The following RALGPS2 variants were observed in gnomAD, a reference collection of about 807,000 sequenced individuals.
The protein encoded by RALGPS2 is ras-specific guanine nucleotide-releasing factor RalGPS2.
A neutral mutation model predicts 86.8 loss-of-function variants in RALGPS2; 43 were observed. The ratio of observed to expected loss-of-function variants is 0.50; its 90% CI spans 0.39 to 0.64. The LOEUF is 0.64. Among genes scored for constraint, RALGPS2 ranks in the 30% least tolerant of loss-of-function variants. The pLI, the probability that RALGPS2 is intolerant of heterozygous loss-of-function variation, is 0.00. For synonymous variants in RALGPS2, 243 were observed against 231.3 expected (o/e 1.05, Z -0.46); for missense variants, 536 against 694.6 (o/e 0.77, Z 2.57).
intron 4 of RALGPS2, among the ~76,000 whole-genome samples, chr1:178,801,380 ATAATAC>A (rs1367787375): frequency 6.6e-6 from 1 of 152,134 alleles, no homozygotes; most frequent in Non-Finnish European, 1.5e-5. Flanking sequence ...AATAATAATA[ATAATAC>A]TAACACTAAT....
chr1:178,842,898 A>G (rs1656660793), intron 8 of RALGPS2, among the ~76,000 whole-genome samples: 1 of 147,950 alleles, frequency 6.8e-6, no homozygotes, highest in African/African-American at 2.5e-5. Context: ...AAACACATGA[A>G]AAAATGCTCA....
intron 1 of RALGPS2, chr1:178,726,016 C>T (rs1572255751): frequency 6.6e-6 from 1 of 152,288 alleles, no homozygotes; most frequent in East Asian, 1.9e-4. Flanking sequence ...GGGCTGCGTC[C>T]TGTGCTGGCC....
intron 10 of RALGPS2, among the ~76,000 whole-genome samples, chr1:178,882,202 C>A (rs1322611561): frequency 7.9e-6 from 1 of 126,320 alleles, no homozygotes; most frequent in Non-Finnish European, 1.7e-5. Context: ...CAATGTGATT[C>A]ACCCAATAAG....
intron 4 of RALGPS2, among the ~76,000 whole-genome samples, chr1:178,802,905 T>C (rs764356096): frequency 1.1e-4 from 16 of 152,188 alleles, no homozygotes; most frequent in African/African-American, 3.9e-4. Flanking sequence ...CTCCAAGCCA[T>C]GTGGTTTGTC....
At chr1:178,776,430 C>G (rs569453790) in intron 1 of RALGPS2, among the ~76,000 whole-genome samples, 3 of 152,132 alleles carry the variant, frequency 2.0e-5, no homozygotes, top group African/African-American at 7.2e-5. Context: ...ACCCACTTAG[C>G]GAAAAGTTAT....
At chr1:178,789,377 A>T (rs1019777427) in intron 4 of RALGPS2, among the ~76,000 whole-genome samples, 1 of 152,254 alleles carries the variant, frequency 6.6e-6, no homozygotes, top group Non-Finnish European at 1.5e-5. Flanking sequence ...TATGTGAAAC[A>T]AGAGTAGAGG....
intron 13 of RALGPS2, among the ~76,000 whole-genome samples, chr1:178,889,346 C>G (rs533328733): frequency 1.4e-4 from 21 of 152,022 alleles, no homozygotes; most frequent in African/African-American, 4.8e-4. Context: ...ATTTTATGTT[C>G]TCTAATGGTA....
intron 19 of RALGPS2, among the ~76,000 whole-genome samples, chr1:178,908,159 C>G (rs141002981): frequency 1.4e-3 from 208 of 152,310 alleles, no homozygotes; most frequent in Non-Finnish European, 2.6e-3. Flanking sequence ...CAATGTTTAC[C>G]TCCCACTTAC....
intron 10 of RALGPS2, 23 bp from the exon 11 acceptor site, chr1:178,883,443 T>C (rs749519056): frequency 6.5e-7 from 1 of 1,531,264 alleles, no homozygotes; most frequent in East Asian, 2.2e-5. Flanking sequence ...TCATTGTATG[T>C]ATTTTGTCTT....
At chr1:178,788,002 A>G (rs1008634667) in intron 4 of RALGPS2, among the ~76,000 whole-genome samples, 8 of 152,202 alleles carry the variant, frequency 5.3e-5, no homozygotes, top group East Asian at 1.9e-4. Flanking sequence ...AATATGGTCT[A>G]CAGATCTCTT....
intron 1 of RALGPS2, among the ~76,000 whole-genome samples, chr1:178,771,336 T>C (rs562861628): frequency 2.8e-4 from 43 of 152,348 alleles, no homozygotes; most frequent in African/African-American, 8.9e-4. Context: ...TCTCATAACA[T>C]TGGCATTTTT....
intron 15 of RALGPS2, among the ~76,000 whole-genome samples, chr1:178,892,786 TGTTTGTCTG>T (rs1659772486): frequency 6.6e-6 from 1 of 152,176 alleles, no homozygotes; most frequent in Non-Finnish European, 1.5e-5. Context: ...TTCATTCAGT[TGTTTGTCTG>T]GTTAAACCAG....
At chr1:178,851,940 A>G (rs1454086206) in intron 8 of RALGPS2, among the ~76,000 whole-genome samples, 1 of 152,170 alleles carries the variant, frequency 6.6e-6, no homozygotes, top group South Asian at 2.1e-4. Context: ...CCTGGGTTAA[A>G]AAGTCAAAAG....
At chr1:178,748,421 A>G (rs1651462536) in intron 1 of RALGPS2, among the ~76,000 whole-genome samples, 1 of 152,224 alleles carries the variant, frequency 6.6e-6, no homozygotes, top group South Asian at 2.1e-4. Flanking sequence ...AGCTTTATTT[A>G]TGATAGTCAC....
At position 178,891,209 on chromosome 1, in the gene RALGPS2, A is replaced by G. The variant is rs557860890; in HGVS notation, c.1248-1021A>G. ...TTTGCAGACATGTGTGGCTAAAAAA[A>G]GCTACTTTTCTTATGCCAAGTTTAA... is the stretch of plus-strand genomic sequence containing the variant. On this transcript the variant is annotated intron_variant, in intron 14 of 19. Coordinates refer to ENST00000367635, the MANE Select transcript of RALGPS2 (RefSeq NM_152663.5). Among the ~76,000 whole-genome samples, 86 of 152,222 alleles carry G rather than the reference A, an allele frequency of 5.6e-4. 1 individual carries two copies. Among genetic ancestry groups the G allele is most frequent in the Admixed American group, 9.2e-4 (14 of 15,276 alleles).
chr1:178,736,868 G>C (rs1248499401), intron 1 of RALGPS2, among the ~76,000 whole-genome samples: 1 of 152,108 alleles, frequency 6.6e-6, no homozygotes, highest in East Asian at 1.9e-4. Flanking sequence ...CTGCACTCCA[G>C]CCTGGGCAAC....
intron 8 of RALGPS2, among the ~76,000 whole-genome samples, chr1:178,844,869 G>A (rs1656791993): frequency 6.6e-6 from 1 of 152,108 alleles, no homozygotes; most frequent in African/African-American, 2.4e-5. Flanking sequence ...CTACAAAGAT[G>A]CAGTAGCTCG....
intron 8 of RALGPS2, among the ~76,000 whole-genome samples, chr1:178,836,849 G>A (rs570923636): frequency 1.8e-4 from 27 of 152,090 alleles, no homozygotes; most frequent in African/African-American, 6.0e-4. Context: ...GGCATGATCA[G>A]CTCACTGCAG....
At position 178,872,945 on chromosome 1, in the gene RALGPS2, T is replaced by C. The variant is rs1403527282; in HGVS notation, c.608-4553T>C. On this transcript the variant is annotated intron_variant, in intron 8 of 19. Transcript: ENST00000367635. The stretch of plus-strand genomic sequence containing the variant: ...GAACTAAGATACTAGAGAAAGTACA[T>C]GTAGAATGTAAAGGAAGGTTAATGA... Among the ~76,000 whole-genome samples the C allele has an allele frequency of 2.6e-5, 4 of 152,106 alleles. No individual in the cohort carries two copies. The South Asian group carries it at 8.3e-4, about 32-fold the overall frequency.
Sources: allele counts gnomAD v4.1 joint callset (sites outside exome capture counted in the v4.1 genomes callset), GRCh38; gene constraint gnomAD v4.1.1; transcripts MANE v1.5; gene names NCBI Gene and HGNC (gene_info 2026-07-23, HGNC 2026-07-21).